The following GLIPR1 variants were observed in gnomAD, a reference collection of about 807,000 sequenced individuals.
The protein encoded by GLIPR1 is glioma pathogenesis-related protein 1.
A neutral mutation model predicts 30.3 loss-of-function variants in GLIPR1; 38 were observed. The ratio of observed to expected loss-of-function variants is 1.26; its 90% CI spans 0.97 to 1.65. The LOEUF is 1.65. Among genes scored for constraint, GLIPR1 ranks in the 40% most tolerant of loss-of-function variants. The probability of loss-of-function intolerance (pLI) is 0.00; values close to 1 mark genes in which losing one functional copy is unlikely to be tolerated. For synonymous variants in GLIPR1, 122 were observed against 110.6 expected, an observed-to-expected ratio of 1.10 and a Z score of -0.65; for missense variants, 285 against 326.5, an observed-to-expected ratio of 0.87 and a Z score of 0.98.
At position 75,501,554 on chromosome 12, in the gene GLIPR1, CTAAATTA is replaced by C; in HGVS notation, c.*2585_*2591del. The C allele has an allele frequency of 1.7e-6, 1 of 583,384 alleles. No individual in the cohort carries two copies. The allele number at this position is 583,384 out of a possible 1,614,324, so 36.1% of individuals were successfully genotyped here. On this transcript the variant is annotated 3_prime_UTR_variant, in exon 6 of 6. Transcript: ENST00000266659. ...GCACTGAAATAGGCATTAGCTGCCT[CTAAATTA>C]TAAATTATCTCAGCCATCCCTTGTC... is the stretch of plus-strand genomic sequence containing the variant.
At position 75,498,809 on chromosome 12, in the gene GLIPR1, ATGTT is replaced by A. The variant is rs760118692; in HGVS notation, c.647-9_647-6del. 1.2e-6 allele frequency: 2 copies of A among 1,612,202 alleles called. No individual in the cohort carries two copies. The highest frequency in any genetic ancestry group is 1.7e-6 in the Non-Finnish European group (2 of 1,178,608). On this transcript the variant is annotated splice_polypyrimidine_tract_variant and intron_variant, in intron 5 of 5. Transcript: ENST00000266659. ...GGAACAATGTCTAAGAGGATATTCT[ATGTT>A]TGTTTCACAGGTTACTACTCTGTTG...
At chr12:75,489,616 C>CT (rs2046310519) in intron 2 of GLIPR1, among the ~76,000 whole-genome samples, 1 of 152,122 alleles carries the variant, frequency 6.6e-6, no homozygotes, top group Non-Finnish European at 1.5e-5. Context: ...CAAACCAAAA[C>CT]TTTATCTCTT....
In GLIPR1 at chr12:75,499,812, C is replaced by T; in HGVS notation, c.*834C>T. The T allele has an allele frequency of 1.3e-6, 2 of 1,595,218 alleles. No individual in the cohort carries two copies. Among genetic ancestry groups the T allele is most frequent in the South Asian group, 1.1e-5 (1 of 87,796 alleles). ...TAGTCAAGGAGTTTTGGGTATGTTA[C>T]TTTTTTTTCTTCTTTTTCTTTTCAT... On this transcript the variant is annotated 3_prime_UTR_variant, in exon 6 of 6. Transcript: ENST00000266659.
At chr12:75,491,259 G>A (rs1011084934) in intron 3 of GLIPR1, 7 of 152,140 alleles carry the variant, frequency 4.6e-5, no homozygotes, top group African/African-American at 1.7e-4. Context: ...AGAAGTTTAT[G>A]AGATGGCTCC....
Position 75,501,756 on chromosome 12 carries a change from G to A in GLIPR1, c.*2778G>A, listed in dbSNP as rs750831850. ...GGTTTCACAATTGGTTTTTCCTTAG[G>A]TGGAATAAATGCTTTGTTTCTTTCC... On this transcript the variant is annotated 3_prime_UTR_variant, in exon 6 of 6. Coordinates refer to ENST00000266659, the MANE Select transcript of GLIPR1 (RefSeq NM_006851.3). 12 of 1,610,626 alleles carry A rather than the reference G, an allele frequency of 7.5e-6. No individual in the cohort carries two copies. The highest frequency in any genetic ancestry group is 1.7e-4 in the Middle Eastern group (1 of 6,040).
rs573051952 is a variant in GLIPR1, at chr12:75,499,981, A to ATACTT, written c.*1006_*1010dup. The ATACTT allele has an allele frequency of 1.1e-4, 162 of 1,542,312 alleles. No homozygotes were observed. The African/African-American group carries it at 1.9e-3, about 19-fold the overall frequency. On this transcript the variant is annotated 3_prime_UTR_variant, in exon 6 of 6. Transcript: ENST00000266659. ...ACAAATTAAAAGCACAACACATGTA[A>ATACTT]TACTTTAGATTTTACCAAGTAAAAC...
chr12:75,501,661 A>C lies in GLIPR1; in HGVS notation c.*2683A>C. The C allele has an allele frequency of 9.1e-7, 1 of 1,103,754 alleles. No homozygotes were observed. The highest frequency in any genetic ancestry group is 1.3e-6 in the Non-Finnish European group (1 of 743,636). 68.4% of individuals were successfully genotyped at this position (1,103,754 alleles called of 1,614,324 possible). On this transcript the variant is annotated 3_prime_UTR_variant, in exon 6 of 6. Transcript: ENST00000266659. ...AACTGTTTCTTAAAAAGATTCAGAC[A>C]AATTTATTATGGGTTTACTTTTCCT... is the stretch of plus-strand genomic sequence containing the variant.
Position 75,498,953 on chromosome 12 carries a change from A to C in GLIPR1, c.776A>C (p.Tyr259Ser). The C allele has an allele frequency of 6.2e-7, 1 of 1,601,804 alleles. No homozygotes were observed. Among genetic ancestry groups the C allele is most frequent in the Non-Finnish European group, 8.5e-7 (1 of 1,175,350 alleles). ...ATTACCATTTTGGTACAGCACAAGTACCCTAATTTAGTTCTTTTGGACTAA... is the reference window on the plus strand; with the variant it reads ...ATTACCATTTTGGTACAGCACAAGTCCCCTAATTTAGTTCTTTTGGACTAA... Reference protein sequence around the residue: ...VIITILVQHKYPNLVLLD With the variant: ...VIITILVQHKSPNLVLLD Residue 259 changes from tyrosine (Y) to serine (S), a missense_variant, in exon 6 of 6, where the codon TAC (tyrosine) becomes TCC (serine). Tyr to Ser is a moderately radical substitution (Grantham distance 144). Coordinates refer to ENST00000266659, the MANE Select transcript of GLIPR1 (RefSeq NM_006851.3).
In GLIPR1 at chr12:75,498,846, A is replaced by G; in HGVS notation, c.669A>G (p.Pro223=). The G allele has an allele frequency of 6.2e-7, 1 of 1,612,504 alleles. No individual in the cohort carries two copies. Among genetic ancestry groups the G allele is most frequent in the South Asian group, 1.1e-5 (1 of 90,970 alleles). ...CAGGTTACTACTCTGTTGTATATCC[A>G]GGCTGGCCCATATATCCACGTAACA... ...QVKRYYSVVY[P]GWPIYPRNRY... is the part of the protein sequence containing the mutation. Residue 223 remains proline, a synonymous_variant, in exon 6 of 6, where the codon CCA becomes CCG. Transcript: ENST00000266659.
chr12:75,491,875 T>C (rs1168722449), intron 3 of GLIPR1: 1 of 152,160 alleles, frequency 6.6e-6, no homozygotes, highest in Non-Finnish European at 1.5e-5. Flanking sequence ...ATTTTTGGAT[T>C]CCTGGAGATT....
intron 1 of GLIPR1, 25 bp from the exon 2 acceptor site, chr12:75,481,809 T>A (rs778628400): frequency 6.2e-7 from 1 of 1,611,100 alleles, no homozygotes; most frequent in South Asian, 1.1e-5. Flanking sequence ...ATGAACCCCC[T>A]ATTGTTTAAT....
intron 2 of GLIPR1, chr12:75,487,808 G>C (rs868471778): frequency 6.6e-6 from 3 of 456,230 alleles, no homozygotes; most frequent in African/African-American, 2.0e-5. Context: ...AGAAAATCCA[G>C]GGTGAGTCCG....
In GLIPR1 at chr12:75,480,887, G is replaced by A. The variant is rs778802533; in HGVS notation, c.7G>A (p.Val3Ile). 1.2e-6 allele frequency: 2 copies of A among 1,609,798 alleles called. No individual in the cohort carries two copies. Among genetic ancestry groups the A allele is most frequent in the Non-Finnish European group, 8.5e-7 (1 of 1,177,210 alleles). The change falls in exon 1 of 6, where the codon GTC becomes ATC. Residue 3 changes from valine to isoleucine, a missense_variant. Val to Ile is a conservative substitution (Grantham distance 29, BLOSUM62 3). Transcript: ENST00000266659. ...GCTCCATGCCAGACAAAGCATGCGT[G>A]TCACACTTGCTACAATAGCCTGGAT... MR[V>I]TLATIAWMVS... is the part of the protein sequence containing the mutation.
chr12:75,488,633 T>C (rs535609464), intron 2 of GLIPR1, among the ~76,000 whole-genome samples: 13 of 152,266 alleles, frequency 8.5e-5, no homozygotes, highest in African/African-American at 3.1e-4. Context: ...GGAGTAAATT[T>C]CATTTATTTT....
intron 4 of GLIPR1, 53 bp downstream of exon 4, chr12:75,495,715 T>C (rs1405613586): frequency 3.9e-6 from 4 of 1,027,182 alleles, no homozygotes; most frequent in South Asian, 2.8e-5. Flanking sequence ...AACATGTAAC[T>C]TTCTACAGAA....
At position 75,502,734 on chromosome 12, in the gene GLIPR1, C is replaced by A. The variant is rs570578899; in HGVS notation, c.*3756C>A. The A allele has an allele frequency of 6.6e-6, 1 of 152,034 alleles. No homozygotes were observed. Among genetic ancestry groups the A allele is most frequent in the East Asian group, 1.9e-4 (1 of 5,174 alleles). 9.4% of individuals were successfully genotyped at this position (152,034 alleles called of 1,614,324 possible). On this transcript the variant is annotated 3_prime_UTR_variant, in exon 6 of 6. Transcript: ENST00000266659. ...CACATAATGAATTAAGTGTTAAGAA[C>A]AAGTCAATCGAGACATCACTGTTTC...
At position 75,501,698 on chromosome 12, in the gene GLIPR1, A is replaced by G. The variant is rs767517765; in HGVS notation, c.*2720A>G. The G allele has an allele frequency of 1.4e-6, 2 of 1,442,252 alleles. No homozygotes were observed. The highest frequency in any genetic ancestry group is 2.4e-5 in the South Asian group (2 of 83,242). 89.3% of individuals were successfully genotyped at this position (1,442,252 alleles called of 1,614,324 possible). ...GGTTTACTTTTCCTAATTAATAAAG[A>G]CTTTTACATCATAGAAAGCATTACC... On this transcript the variant is annotated 3_prime_UTR_variant, in exon 6 of 6. Transcript: ENST00000266659.
rs2046399932 is a variant in GLIPR1 at position 75,502,335 on chromosome 12, G to A, written c.*3357G>A. 1 of 192,470 alleles carries A rather than the reference G, an allele frequency of 5.2e-6. No individual in the cohort carries two copies. The highest frequency in any genetic ancestry group is 5.7e-5 in the Admixed American group (1 of 17,488). 11.9% of individuals were successfully genotyped at this position (192,470 alleles called of 1,614,324 possible). The stretch of plus-strand genomic sequence containing the variant: ...ATGGCAGACAAAGTAGGAGGGATAA[G>A]ATTTAGAAATGACTGTAGGTTTCTG... On this transcript the variant is annotated 3_prime_UTR_variant, in exon 6 of 6. Coordinates refer to ENST00000266659, the MANE Select transcript of GLIPR1 (RefSeq NM_006851.3).
At position 75,499,020 on chromosome 12, in the gene GLIPR1, A is replaced by G. The variant is rs2046371314; in HGVS notation, c.*42A>G. Reference sequence around the variant, plus strand: ...AAAAACCCAAAAACCAACCTCATTCACATATGGCTTTTTTTTTAACCAATA... The same window carrying G: ...AAAAACCCAAAAACCAACCTCATTCGCATATGGCTTTTTTTTTAACCAATA... On this transcript the variant is annotated 3_prime_UTR_variant, in exon 6 of 6. Transcript: ENST00000266659. 2 of 1,382,550 alleles carry G rather than the reference A, an allele frequency of 1.4e-6. No individual in the cohort carries two copies. Among genetic ancestry groups the G allele is most frequent in the Admixed American group, 5.0e-5 (2 of 39,968 alleles). 85.6% of individuals were successfully genotyped at this position (1,382,550 alleles called of 1,614,324 possible).
Sources: allele counts gnomAD v4.1 joint callset (sites outside exome capture counted in the v4.1 genomes callset), GRCh38; gene constraint gnomAD v4.1.1; transcripts MANE v1.5; gene names NCBI Gene and HGNC (gene_info 2026-07-23, HGNC 2026-07-21).